The following EPM2A variants were observed in gnomAD, a reference collection of about 807,000 sequenced individuals.
EPM2A encodes the protein laforin.
A neutral mutation model predicts 26.5 loss-of-function variants in EPM2A; 21 were observed. That is an observed-to-expected ratio of 0.79 (90% CI 0.56 to 1.14). EPM2A has a LOEUF of 1.14. Among genes scored for constraint, EPM2A ranks in the 50% most tolerant of loss-of-function variants. The probability of loss-of-function intolerance (pLI) is 0.00; values close to 1 mark genes in which losing one functional copy is unlikely to be tolerated. For synonymous variants in EPM2A, 217 were observed against 177.6 expected (o/e 1.22, Z -1.76); for missense variants, 458 against 440.8 (o/e 1.04, Z -0.35).
intron 1 of EPM2A, among the ~76,000 whole-genome samples, chr6:145,722,129 C>A (rs943659051): frequency 1.3e-5 from 2 of 152,094 alleles, no homozygotes; most frequent in African/African-American, 4.8e-5. Context: ...ATTTATACAC[C>A]TGGATTATTT....
At chr6:145,680,991 A>C (rs1301905847) in intron 2 of EPM2A, among the ~76,000 whole-genome samples, 1 of 151,794 alleles carries the variant, frequency 6.6e-6, no homozygotes. Flanking sequence ...GGGTTGAACT[A>C]GTTTACAGTC....
chr6:145,618,284 C>T (rs904888741), intron 2 of EPM2A, among the ~76,000 whole-genome samples: 1 of 152,136 alleles, frequency 6.6e-6, no homozygotes, highest in Non-Finnish European at 1.5e-5. Flanking sequence ...CCCAAGGATA[C>T]AAAAGATTGT....
At chr6:145,565,020 G>C (rs1780864111) in intron 2 of EPM2A, among the ~76,000 whole-genome samples, 1 of 152,104 alleles carries the variant, frequency 6.6e-6, no homozygotes, top group South Asian at 2.1e-4. Context: ...GACAGCATTA[G>C]AGCACCAAAC....
intron 2 of EPM2A, among the ~76,000 whole-genome samples, chr6:145,612,227 ATC>A (rs893638386): frequency 3.3e-5 from 5 of 152,302 alleles, no homozygotes; most frequent in Admixed American, 1.3e-4. Flanking sequence ...ATTTATTTAT[ATC>A]TCTGTTTTTA....
chr6:145,454,215 G>A (rs1264188248), intron 4 of EPM2A, among the ~76,000 whole-genome samples: 2 of 152,142 alleles, frequency 1.3e-5, no homozygotes, highest in African/African-American at 4.8e-5. Context: ...ATCTTCCCAA[G>A]TGCCGGAAGT....
intron 2 of EPM2A, among the ~76,000 whole-genome samples, chr6:145,574,145 C>A (rs1780997438): frequency 6.6e-6 from 1 of 152,136 alleles, no homozygotes; most frequent in Non-Finnish European, 1.5e-5. Context: ...TGGCTCAACT[C>A]TTGAAATTGA....
intron 2 of EPM2A, among the ~76,000 whole-genome samples, chr6:145,610,596 T>C (rs1311915254): frequency 1.3e-5 from 2 of 152,236 alleles, no homozygotes; most frequent in African/African-American, 4.8e-5. Context: ...GCACAAAAGC[T>C]GGAAGGTAGT....
chr6:145,453,411 T>G (rs892264846), intron 4 of EPM2A, among the ~76,000 whole-genome samples: 3 of 152,000 alleles, frequency 2.0e-5, no homozygotes, highest in Non-Finnish European at 2.9e-5. Context: ...TTCTCAGAGG[T>G]TTTTGAGAGA....
intron 4 of EPM2A, among the ~76,000 whole-genome samples, chr6:145,412,214 CA>C (rs11404849): frequency 0.14 from 16,226 of 113,774 alleles, 787 homozygotes; most frequent in South Asian, 0.27. Flanking sequence ...GACTCTGTCT[CA>C]AAAAAAAAAA....
At chr6:145,512,841 G>T (rs891502121) in intron 2 of EPM2A, among the ~76,000 whole-genome samples, 5 of 151,714 alleles carry the variant, frequency 3.3e-5, no homozygotes, top group African/African-American at 1.2e-4. Context: ...AATAAATGGT[G>T]CTGGGAATAC....
chr6:145,545,649 C>T (rs1231682349), intron 2 of EPM2A, among the ~76,000 whole-genome samples: 1 of 152,084 alleles, frequency 6.6e-6, no homozygotes, highest in Non-Finnish European at 1.5e-5. Flanking sequence ...CACTCCTCTC[C>T]CCATCCACCT....
chr6:145,719,535 G>C (rs1479267597), intron 1 of EPM2A, among the ~76,000 whole-genome samples: 2 of 151,836 alleles, frequency 1.3e-5, no homozygotes, highest in Admixed American at 6.6e-5. Flanking sequence ...TGACAAGTTA[G>C]TGGGTGCAGC....
intron 4 of EPM2A, among the ~76,000 whole-genome samples, chr6:145,444,779 A>G (rs931248667): frequency 1.3e-5 from 2 of 152,190 alleles, no homozygotes; most frequent in African/African-American, 2.4e-5. Context: ...AGAATTGGAC[A>G]TTTTGAATTA....
intron 1 of EPM2A, among the ~76,000 whole-genome samples, chr6:145,696,640 G>C (rs1781585127): frequency 6.6e-6 from 1 of 152,084 alleles, no homozygotes; most frequent in Admixed American, 6.6e-5. Context: ...ACTAGAATTA[G>C]AGATAACAGG....
intron 2 of EPM2A, among the ~76,000 whole-genome samples, chr6:145,520,406 T>C (rs1047867210): frequency 6.6e-6 from 1 of 152,150 alleles, no homozygotes; most frequent in African/African-American, 2.4e-5. Flanking sequence ...CCTCTTAGAT[T>C]CATCTCTCTC....
intron 2 of EPM2A, among the ~76,000 whole-genome samples, chr6:145,670,020 T>C (rs888531678): frequency 2.6e-5 from 4 of 152,188 alleles, no homozygotes; most frequent in African/African-American, 9.6e-5. Context: ...GTTCTCTGCC[T>C]TCCTCCTAGG....
At chr6:145,705,322 T>TAG (rs1372173000) in intron 1 of EPM2A, among the ~76,000 whole-genome samples, 2 of 151,962 alleles carry the variant, frequency 1.3e-5, no homozygotes, top group African/African-American at 4.8e-5. Flanking sequence ...TATAGATATA[T>TAG]AGATATAGAT....
chr6:145,489,592 C>T, intron 4 of EPM2A: 2 of 1,062,746 alleles, frequency 1.9e-6, no homozygotes, highest in East Asian at 2.6e-5. Flanking sequence ...CGTTCAAAAA[C>T]CCAACAAGTA....
At chr6:145,716,390 G>C (rs573308932) in intron 1 of EPM2A, among the ~76,000 whole-genome samples, 1 of 152,110 alleles carries the variant, frequency 6.6e-6, no homozygotes, top group African/African-American at 2.4e-5. Context: ...AGCTCCCAAG[G>C]TGATCCTAAT....
Sources: allele counts gnomAD v4.1 joint callset (sites outside exome capture counted in the v4.1 genomes callset), GRCh38; gene constraint gnomAD v4.1.1; transcripts MANE v1.5; gene names NCBI Gene and HGNC (gene_info 2026-07-23, HGNC 2026-07-21).